CHL1: variants seen among roughly 807,000 people sequenced by gnomAD.
CHL1 encodes the protein cell adhesion molecule L1 like.
CHL1 carries 96 observed loss-of-function variants against 141.9 expected under a neutral mutation model. The ratio of observed to expected loss-of-function variants is 0.68; its 90% confidence interval spans 0.57 to 0.80. The LOEUF (loss-of-function observed/expected upper bound fraction) is 0.80. Among genes scored for constraint, CHL1 ranks in the 30% least tolerant of loss-of-function variants. CHL1 has a pLI of 0.00. For synonymous variants in CHL1, 613 were observed against 502.2 expected (o/e 1.22, Z -2.95); for missense variants, 1,820 against 1,457.2 (o/e 1.25, Z -4.05).
chr3:394,522 T>A (rs773876295), intron 23 of CHL1, among the ~76,000 whole-genome samples, 171 bp from the exon 24 acceptor site: 4 of 152,166 alleles, frequency 2.6e-5, no homozygotes, highest in Admixed American at 2.6e-4. Context: ...TTTTGTCATA[T>A]ATGATATAGT....
chr3:249,948 A>G (rs1211614970), intron 2 of CHL1, among the ~76,000 whole-genome samples: 1 of 151,986 alleles, frequency 6.6e-6, no homozygotes, highest in African/African-American at 2.4e-5. Context: ...CTAACAAAAG[A>G]CAGATTAATA....
chr3:379,087 C>G (rs1266330233), intron 16 of CHL1, among the ~76,000 whole-genome samples: 4 of 152,064 alleles, frequency 2.6e-5, no homozygotes, highest in African/African-American at 9.7e-5. Context: ...ATCAACAGAC[C>G]TTTGTGTCTT....
intron 2 of CHL1, among the ~76,000 whole-genome samples, chr3:269,023 T>G (rs954207508): frequency 6.6e-6 from 1 of 152,198 alleles, no homozygotes; most frequent in Non-Finnish European, 1.5e-5. Flanking sequence ...CACAGCTGCA[T>G]GCAGAGATTA....
chr3:242,963 G>C (rs931827410), intron 1 of CHL1, among the ~76,000 whole-genome samples: 102 of 152,192 alleles, frequency 6.7e-4, no homozygotes, highest in African/African-American at 2.4e-3. Flanking sequence ...GTGGTAAGAA[G>C]TGGGGACCCA....
intron 9 of CHL1, 124 bp from the exon 10 acceptor site, chr3:349,235 G>A (rs557778465): frequency 1.3e-5 from 10 of 751,864 alleles, no homozygotes; most frequent in South Asian, 7.0e-5. Context: ...TAAGGATGAC[G>A]TGATTCAGTG....
At chr3:386,012 A>G (rs958598981) in intron 19 of CHL1, among the ~76,000 whole-genome samples, 1 of 151,978 alleles carries the variant, frequency 6.6e-6, no homozygotes, top group African/African-American at 2.4e-5. Context: ...ATCACTACTG[A>G]CACAGCCAGT....
At chr3:322,629 T>TTATATATATATATAAAATATATATATA (rs960338505) in intron 3 of CHL1, among the ~76,000 whole-genome samples, 10 of 119,870 alleles carry the variant, frequency 8.3e-5, no homozygotes, top group Middle Eastern at 3.9e-3. Flanking sequence ...CATCTCTAAA[T>TTATATATATATATAAAATATATATATA]TATATATATA....
Position 366,616 on chromosome 3 carries a change from T to C in CHL1, c.1751+501T>C, listed in dbSNP as rs187904598. ...TGACTTTTCATGTAACATGTACCAT[T>C]CTATTAGTGTGTGAAATGGAAACCA... On this transcript the variant is annotated intron_variant, in intron 15 of 27. Transcript: ENST00000256509. Among the ~76,000 whole-genome samples, 4 of 152,112 alleles carry C rather than the reference T, an allele frequency of 2.6e-5. No homozygotes were observed. In the East Asian group the frequency reaches 7.7e-4, roughly 29 times the overall value.
chr3:293,404 G>A (rs1188329623), intron 2 of CHL1, among the ~76,000 whole-genome samples: 1 of 152,128 alleles, frequency 6.6e-6, no homozygotes, highest in Non-Finnish European at 1.5e-5. Flanking sequence ...TCTGGAGGCT[G>A]TAGCACAAGA....
At chr3:335,097 A>G (rs1701761561) in intron 5 of CHL1, among the ~76,000 whole-genome samples, 1 of 152,210 alleles carries the variant, frequency 6.6e-6, no homozygotes, top group Non-Finnish European at 1.5e-5. Flanking sequence ...ATACTTCCTC[A>G]GATTCCTCAG....
At chr3:209,504 C>T (rs1163193447) in intron 1 of CHL1, among the ~76,000 whole-genome samples, 4 of 152,070 alleles carry the variant, frequency 2.6e-5, no homozygotes, top group African/African-American at 7.3e-5. Flanking sequence ...GGAACCAATC[C>T]TTCCTAGTGG....
intron 1 of CHL1, among the ~76,000 whole-genome samples, chr3:242,170 CATGTGTGTGTATGTATATATAT>C (rs1389696202): frequency 1.3e-5 from 2 of 151,858 alleles, no homozygotes; most frequent in African/African-American, 2.4e-5. Context: ...ACCATAAGTA[CATGTGTGTGTATGTATATATAT>C]ATGTGTGTGT....
intron 27 of CHL1, among the ~76,000 whole-genome samples, chr3:404,157 A>G (rs1338938494): frequency 6.6e-6 from 1 of 152,210 alleles, no homozygotes; most frequent in African/African-American, 2.4e-5. Context: ...GGAAAATAGA[A>G]TGTAATAAAC....
intron 2 of CHL1, chr3:248,716 A>G (rs776849373): frequency 7.9e-5 from 12 of 152,090 alleles, no homozygotes. Context: ...AGGCAGATTC[A>G]TTTCATCAAA....
intron 2 of CHL1, among the ~76,000 whole-genome samples, chr3:258,986 T>C (rs917731195): frequency 6.7e-6 from 1 of 148,458 alleles, no homozygotes; most frequent in Non-Finnish European, 1.5e-5. Context: ...CAGGCTGGAG[T>C]GCAGTGGCTT....
chr3:322,629 T>TTATATATATATATAAAATATATATATATA (rs1700660339), intron 3 of CHL1, among the ~76,000 whole-genome samples: 1 of 119,894 alleles, frequency 8.3e-6, no homozygotes, highest in Non-Finnish European at 1.7e-5. Context: ...CATCTCTAAA[T>TTATATATATATATAAAATATATATATATA]TATATATATA....
Position 319,708 on chromosome 3 carries a change from T to C in CHL1, c.-69T>C. Reference sequence around the variant, plus strand: ...TTTCCAGGTTAACTAAGGTCTCAGCTGTAAACCAAAAGTGAGAGGAGACAT... The same window carrying C: ...TTTCCAGGTTAACTAAGGTCTCAGCCGTAAACCAAAAGTGAGAGGAGACAT... On this transcript the variant is annotated 5_prime_UTR_variant, in exon 3 of 28. Transcript: ENST00000256509. The C allele has an allele frequency of 1.0e-6, 1 of 998,348 alleles. No homozygotes were observed. Among genetic ancestry groups the C allele is most frequent in the Non-Finnish European group, 1.6e-6 (1 of 641,140 alleles). 61.8% of individuals were successfully genotyped at this position (998,348 alleles called of 1,614,324 possible).
At chr3:211,335 T>C (rs1699888214) in intron 1 of CHL1, among the ~76,000 whole-genome samples, 1 of 152,214 alleles carries the variant, frequency 6.6e-6, no homozygotes, top group African/African-American at 2.4e-5. Context: ...GTGTGGCTAG[T>C]ACCATTATTC....
At chr3:280,383 G>T (rs73815829) in intron 2 of CHL1, among the ~76,000 whole-genome samples, 1 of 151,934 alleles carries the variant, frequency 6.6e-6, no homozygotes, top group Non-Finnish European at 1.5e-5. Context: ...CTAGAAAAGA[G>T]AATCTGTGGC....
Sources: allele counts gnomAD v4.1 joint callset (sites outside exome capture counted in the v4.1 genomes callset), GRCh38; gene constraint gnomAD v4.1.1; transcripts MANE v1.5; gene names NCBI Gene and HGNC (gene_info 2026-07-23, HGNC 2026-07-21).